CADM2: variants seen among roughly 807,000 people sequenced by gnomAD.
CADM2 encodes cell adhesion molecule 2.
A neutral mutation model predicts 49.8 loss-of-function variants in CADM2; 12 were observed. That is an observed-to-expected ratio of 0.24 (90% CI 0.15 to 0.39). The LOEUF is 0.39. Among genes scored for constraint, CADM2 ranks in the 10% least tolerant of loss-of-function variants. The probability of loss-of-function intolerance (pLI) is 1.00; values close to 1 mark genes in which losing one functional copy is unlikely to be tolerated. For synonymous variants in CADM2, 214 were observed against 175.4 expected (o/e 1.22, Z -1.74); for missense variants, 378 against 492.3 (o/e 0.77, Z 2.20).
At position 85,119,161 on chromosome 3, in the gene CADM2, C is replaced by T. The variant is rs141969113; in HGVS notation, c.61+159493C>T. 2.8e-3 allele frequency among the ~76,000 whole-genome samples: 425 copies of T among 152,214 alleles called. 2 individuals carry two copies. Among genetic ancestry groups the T allele is most frequent in the African/African-American group, 9.8e-3 (408 of 41,522 alleles). On this transcript the variant is annotated intron_variant, in intron 1 of 9. Coordinates refer to ENST00000383699, the MANE Select transcript of CADM2 (RefSeq NM_001167675.2). The stretch of plus-strand genomic sequence containing the variant: ...AGCATGGTGGCTCACGCCTGTAATC[C>T]CAACCCTTGGGAGGCTGAGGTGGGC...
chr3:84,980,648 G>C (rs571441561), intron 1 of CADM2, among the ~76,000 whole-genome samples: 6 of 152,298 alleles, frequency 3.9e-5, no homozygotes, highest in East Asian at 1.9e-4. Flanking sequence ...AGCTAAGATG[G>C]TGTGATTTTG....
intron 1 of CADM2, among the ~76,000 whole-genome samples, chr3:85,553,888 T>C (rs2107135215): frequency 6.6e-6 from 1 of 152,342 alleles, no homozygotes; most frequent in African/African-American, 2.4e-5. Flanking sequence ...AACAGATTAA[T>C]TGCACAGCTG....
intron 1 of CADM2, among the ~76,000 whole-genome samples, chr3:85,097,573 A>G (rs1484252430): frequency 6.6e-6 from 1 of 152,230 alleles, no homozygotes; most frequent in African/African-American, 2.4e-5. Flanking sequence ...AGGAATCGCC[A>G]CACTGACTTC....
intron 1 of CADM2, among the ~76,000 whole-genome samples, chr3:85,584,729 T>C (rs1259697161): frequency 6.6e-6 from 1 of 152,124 alleles, no homozygotes; most frequent in Non-Finnish European, 1.5e-5. Flanking sequence ...TAATTTTTCA[T>C]GGATTCTGAG....
At chr3:85,171,997 T>TA (rs1404075111) in intron 1 of CADM2, among the ~76,000 whole-genome samples, 2 of 152,240 alleles carry the variant, frequency 1.3e-5, no homozygotes, top group East Asian at 1.9e-4. Flanking sequence ...TAACAATAGA[T>TA]ATCTTTTACT....
intron 1 of CADM2, among the ~76,000 whole-genome samples, chr3:85,061,612 C>T (rs2036319024): frequency 6.6e-6 from 1 of 152,062 alleles, no homozygotes; most frequent in Non-Finnish European, 1.5e-5. Context: ...TTACAGTTGA[C>T]AGTCATGGAA....
At chr3:85,645,579 G>A (rs1014949259) in intron 1 of CADM2, among the ~76,000 whole-genome samples, 1 of 151,598 alleles carries the variant, frequency 6.6e-6, no homozygotes, top group East Asian at 1.9e-4. Flanking sequence ...AATTTTAAGG[G>A]TATATTTACT....
intron 3 of CADM2, among the ~76,000 whole-genome samples, chr3:85,841,490 T>G (rs1388576905): frequency 6.6e-6 from 1 of 152,076 alleles, no homozygotes; most frequent in Non-Finnish European, 1.5e-5. Flanking sequence ...TTACTATTCT[T>G]GTTAGAGGAA....
chr3:85,352,363 A>G (rs1334987152), intron 1 of CADM2, among the ~76,000 whole-genome samples: 1 of 152,162 alleles, frequency 6.6e-6, no homozygotes, highest in East Asian at 1.9e-4. Flanking sequence ...CTTGCCAAAT[A>G]AAAACAAAGA....
At chr3:84,998,652 G>A (rs1466591857) in intron 1 of CADM2, among the ~76,000 whole-genome samples, 1 of 152,072 alleles carries the variant, frequency 6.6e-6, no homozygotes, top group East Asian at 1.9e-4. Flanking sequence ...GCTAACAATT[G>A]TTCTGGAACT....
At chr3:85,243,839 A>T (rs2107841466) in intron 1 of CADM2, among the ~76,000 whole-genome samples, 1 of 152,210 alleles carries the variant, frequency 6.6e-6, no homozygotes, top group South Asian at 2.1e-4. Flanking sequence ...TACTGTCAGG[A>T]CAAAATTCAG....
intron 1 of CADM2, among the ~76,000 whole-genome samples, chr3:85,141,392 T>A (rs2107628336): frequency 6.6e-6 from 1 of 152,220 alleles, no homozygotes; most frequent in East Asian, 1.9e-4. Context: ...TTAAACAGGG[T>A]GTGGCATATG....
intron 1 of CADM2, among the ~76,000 whole-genome samples, chr3:85,351,137 G>A (rs143580620): frequency 6.6e-6 from 1 of 151,838 alleles, no homozygotes; most frequent in Non-Finnish European, 1.5e-5. Flanking sequence ...TCTGTTGACT[G>A]TTTGATGAAC....
chr3:85,585,492 A>C (rs1399334038), intron 1 of CADM2, among the ~76,000 whole-genome samples: 1 of 151,826 alleles, frequency 6.6e-6, no homozygotes, highest in African/African-American at 2.4e-5. Context: ...AAGTGAAAGG[A>C]AATTGTTGCT....
At chr3:84,994,632 C>T (rs972610619) in intron 1 of CADM2, among the ~76,000 whole-genome samples, 5 of 152,128 alleles carry the variant, frequency 3.3e-5, no homozygotes, top group African/African-American at 1.2e-4. Flanking sequence ...CTTACCTTAA[C>T]ATTACTATAA....
chr3:85,500,313 T>C (rs911402773), intron 1 of CADM2, among the ~76,000 whole-genome samples: 11 of 152,118 alleles, frequency 7.2e-5, no homozygotes, highest in Admixed American at 2.0e-4. Flanking sequence ...ATGGTAAAAA[T>C]GCTCTAGTTA....
intron 1 of CADM2, among the ~76,000 whole-genome samples, chr3:85,568,644 C>G (rs557316699): frequency 3.7e-4 from 48 of 128,890 alleles, no homozygotes; most frequent in Non-Finnish European, 6.9e-4. Context: ...TGTCTGTTGC[C>G]GAGGCTGGAG....
intron 1 of CADM2, among the ~76,000 whole-genome samples, chr3:85,161,497 C>T (rs1315945498): frequency 6.6e-6 from 1 of 151,988 alleles, no homozygotes; most frequent in African/African-American, 2.4e-5. Context: ...TCCACAGTTT[C>T]AGGGCTCAGG....
chr3:85,170,840 G>A (rs1287331722), intron 1 of CADM2, among the ~76,000 whole-genome samples: 1 of 152,072 alleles, frequency 6.6e-6, no homozygotes, highest in Non-Finnish European at 1.5e-5. Flanking sequence ...TTCCTATATA[G>A]AACAGAGTTG....
Sources: allele counts gnomAD v4.1 joint callset (sites outside exome capture counted in the v4.1 genomes callset), GRCh38; gene constraint gnomAD v4.1.1; transcripts MANE v1.5; gene names NCBI Gene and HGNC (gene_info 2026-07-23, HGNC 2026-07-21).